The following SMARCA4 variants were observed in gnomAD, a reference collection of about 807,000 sequenced individuals.
The protein encoded by SMARCA4 is SWI/SNF-related matrix-associated actin-dependent regulator of chromatin subfamily A member 4.
A neutral mutation model predicts 193.9 loss-of-function variants in SMARCA4; 31 were observed. The observed-to-expected ratio is 0.16, with a 90% CI of 0.12 to 0.22. The LOEUF (loss-of-function observed/expected upper bound fraction) is 0.22. Ranked by LOEUF, SMARCA4 falls within the 10% of genes least tolerant of loss-of-function variation. The probability of loss-of-function intolerance (pLI) is 1.00; values close to 1 mark genes in which losing one functional copy is unlikely to be tolerated. For synonymous variants in SMARCA4, 942 were observed against 933.1 expected (o/e 1.01, Z -0.17); for missense variants, 1,148 against 2,296.0 (o/e 0.50, Z 10.22).
At chr19:11,044,995 C>T (rs1216728659) in intron 30 of SMARCA4, among the ~76,000 whole-genome samples, 1 of 152,188 alleles carries the variant, frequency 6.6e-6, no homozygotes, top group East Asian at 1.9e-4. Flanking sequence ...AAGAAGCTTA[C>T]ATTTTGTTGA....
In SMARCA4 at chr19:11,007,946, G is replaced by T. The variant is rs1555771596; in HGVS notation, c.2046G>T (p.Leu682=). The change falls in exon 14 of 35, where the codon CTG becomes CTT. Residue 682 remains leucine (L), a synonymous_variant. Coordinates refer to ENST00000344626, the MANE Select transcript of SMARCA4 (RefSeq NM_003072.5). Reference sequence around the variant, plus strand: ...CGCAGGCAGCACAGCCTCCCACCCTGCCCGTGGAGGAGAAGAAGAAGATTC... The same window carrying T: ...CGCAGGCAGCACAGCCTCCCACCCTTCCCGTGGAGGAGAAGAAGAAGATTC... ...EQPQAAQPPT[L]PVEEKKKIPD... The T allele has an allele frequency of 6.2e-7, 1 of 1,613,734 alleles. No individual in the cohort carries two copies. Among genetic ancestry groups the T allele is most frequent in the Non-Finnish European group, 8.5e-7 (1 of 1,179,786 alleles).
rs74182450 is a variant in SMARCA4, at chr19:10,974,689, ATTTTTTTTTTTTTTTTTTTT to A, written c.-31-9416_-31-9397del. On this transcript the variant is annotated intron_variant, in intron 1 of 34. Transcript: ENST00000344626. ...TGCATATATATATATATATATATAT[ATTTTTTTTTTTTTTTTTTTT>A]TTTTTTTTTTTTTTTGAGACAGAGT... Among the ~76,000 whole-genome samples the A allele has an allele frequency of 5.4e-4, 20 of 37,174 alleles. No individual in the cohort carries two copies. The Admixed American group carries it at 5.8e-3, about 11-fold the overall frequency. The allele number at this position is 37,174 out of a possible 152,430, so 24.4% of individuals were successfully genotyped here. A position where few individuals can be genotyped will look rare whatever the true frequency, so the allele number is the denominator to read the frequency against.
At chr19:11,008,247 C>T (rs2088435214) in intron 14 of SMARCA4, 3 of 487,292 alleles carry the variant, frequency 6.2e-6, no homozygotes, top group South Asian at 1.8e-5. Context: ...TTACGAGGTA[C>T]AGTCAGGTGT....
rs1040539643 is a variant in SMARCA4 at position 11,034,694 on chromosome 19, T to C, written c.3952-220T>C. Among the ~76,000 whole-genome samples the C allele has an allele frequency of 8.5e-5, 13 of 152,146 alleles. No homozygotes were observed. The highest frequency in any genetic ancestry group is 3.1e-4 in the African/African-American group (13 of 41,448). Reference sequence around the variant, plus strand: ...GCCCTCTTGTGCAACCTTCCATCTTTTCGAGTTTCCTCTGCCTCCTGAGGC... The same window carrying C: ...GCCCTCTTGTGCAACCTTCCATCTTCTCGAGTTTCCTCTGCCTCCTGAGGC... On this transcript the variant is annotated intron_variant, in intron 28 of 34. Transcript: ENST00000344626. This position sits in a 1 kb window ranked among gnomAD's most constrained non-coding sequence, Gnocchi z 7.0.
chr19:11,045,152 C>T (rs951499994), intron 30 of SMARCA4, among the ~76,000 whole-genome samples: 3 of 152,278 alleles, frequency 2.0e-5, no homozygotes, highest in Admixed American at 6.5e-5. Flanking sequence ...AACACCGTCT[C>T]TACTAAAAAT....
At chr19:11,036,465 C>G (rs1419681455) in intron 29 of SMARCA4, among the ~76,000 whole-genome samples, 1 of 152,106 alleles carries the variant, frequency 6.6e-6, no homozygotes, top group Non-Finnish European at 1.5e-5. Flanking sequence ...CACTGTGTCA[C>G]TCAGGCTGGT....
Position 11,024,451 on chromosome 19 carries a change from GT to G in SMARCA4, c.3081+14del. 6.4e-7 allele frequency: 1 copy of G among 1,567,354 alleles called. No homozygotes were observed. The highest frequency in any genetic ancestry group is 8.8e-7 in the Non-Finnish European group (1 of 1,138,666). ...GAAGGACAAGAAGGTGGGCCCCAGAGTCCCCCAACTGCATTCCCCACTGGGT... is the reference window on the plus strand; with the variant it reads ...GAAGGACAAGAAGGTGGGCCCCAGAGCCCCCAACTGCATTCCCCACTGGGT... On this transcript the variant is annotated intron_variant, in intron 21 of 34. Transcript: ENST00000344626.
chr19:11,059,176 G>A, intron 32 of SMARCA4: 1 of 399,590 alleles, frequency 2.5e-6, no homozygotes, highest in Non-Finnish European at 4.6e-6. Flanking sequence ...AAAGCAGTAT[G>A]TATTTACCGA....
In SMARCA4 at chr19:11,026,318, T is replaced by C. The variant is rs2146515940; in HGVS notation, c.3187T>C (p.Leu1063=). Reference sequence around the variant, plus strand: ...CTTGCAGGAGTCCTTTTCCGAGCACTTGGGGTTCACTGGCGGCATTGTCCA... The same window carrying C: ...CTTGCAGGAGTCCTTTTCCGAGCACCTGGGGTTCACTGGCGGCATTGTCCA... The part of the protein sequence containing the change: ...QHIEESFSEH[L]GFTGGIVQGL... Residue 1063 remains leucine, a synonymous_variant, in exon 23 of 35, where the codon TTG becomes CTG. Transcript: ENST00000344626. The C allele has an allele frequency of 6.2e-7, 1 of 1,613,938 alleles. No individual in the cohort carries two copies. Among genetic ancestry groups the C allele is most frequent in the Non-Finnish European group, 8.5e-7 (1 of 1,179,944 alleles).
At chr19:11,036,095 G>C (rs1054397073) in intron 29 of SMARCA4, among the ~76,000 whole-genome samples, 1 of 152,216 alleles carries the variant, frequency 6.6e-6, no homozygotes, top group Non-Finnish European at 1.5e-5. Context: ...CTGCCAAGCT[G>C]TGCACCAGAG....
chr19:11,013,145 C>T (rs376280612), intron 16 of SMARCA4, 33 bp downstream of exon 16: 181 of 1,609,842 alleles, frequency 1.1e-4, no homozygotes, highest in Admixed American at 2.7e-4. Context: ...ATCCCACACG[C>T]CGCTCACACG....
In SMARCA4 at chr19:11,023,607, A is replaced by G. The variant is rs749022426; in HGVS notation, c.2949A>G (p.Glu983=). 1.9e-6 allele frequency: 3 copies of G among 1,611,390 alleles called. No homozygotes were observed. The South Asian group carries it at 3.3e-5, about 18-fold the overall frequency. The change falls in exon 20 of 35, where the codon GAA becomes GAG. Residue 983 remains glutamate, a synonymous_variant. Transcript: ENST00000344626. ...TCTTGCTCCGACGACTCAAGAAGGA[A>G]GTCGAGGCCCAGTTGCCCGAAAAGG... ...RPFLLRRLKK[E]VEAQLPEKVE...
At position 11,010,541 on chromosome 19, in the gene SMARCA4, G is replaced by A. The variant is rs1414642513; in HGVS notation, c.2274+10G>A. 2.5e-6 allele frequency: 4 copies of A among 1,612,196 alleles called. No individual in the cohort carries two copies. In the African/African-American group the frequency reaches 5.3e-5, roughly 22 times the overall value. ...CCTCAAACAGTACCAGGTGAGGTAG[G>A]GGGTGGGGAGGCCACCGCCACGTAG... On this transcript the variant is annotated intron_variant, in intron 15 of 34. Transcript: ENST00000344626.
At position 11,058,381 on chromosome 19, in the gene SMARCA4, C is replaced by T. The variant is rs2147089552; in HGVS notation, c.4533+18C>T. On this transcript the variant is annotated intron_variant, in intron 31 of 34. Coordinates refer to ENST00000344626, the MANE Select transcript of SMARCA4 (RefSeq NM_003072.5). This position sits in a 1 kb window ranked among gnomAD's most constrained non-coding sequence, Gnocchi z 5.8. Reference sequence around the variant, plus strand: ...AGATAAAGGTAACCCTGACGTTGTACCTGCGCCCCGCATGTGCCCGGAGGG... The same window carrying T: ...AGATAAAGGTAACCCTGACGTTGTATCTGCGCCCCGCATGTGCCCGGAGGG... The T allele has an allele frequency of 6.5e-7, 1 of 1,539,800 alleles. No individual in the cohort carries two copies.
chr19:11,020,949 T>G (rs1202582076), intron 18 of SMARCA4: 2 of 153,954 alleles, frequency 1.3e-5, no homozygotes, highest in African/African-American at 4.8e-5. Flanking sequence ...TTCAAGTGAT[T>G]CTCCTGCCTC....
intron 29 of SMARCA4, chr19:11,039,425 A>G: frequency 1.5e-6 from 2 of 1,369,404 alleles, no homozygotes; most frequent in African/African-American, 1.5e-5. Flanking sequence ...GTGCACTGAA[A>G]CACTAAACAG....
At chr19:11,006,808 G>A (rs557550498) in intron 13 of SMARCA4, among the ~76,000 whole-genome samples, 5 of 152,094 alleles carry the variant, frequency 3.3e-5, no homozygotes, top group South Asian at 2.1e-4. Flanking sequence ...CGTCGGGGCC[G>A]GGTGCAGTGG....
At chr19:11,023,494 T>A in intron 19 of SMARCA4, 24 bp from the exon 20 acceptor site, 2 of 1,473,024 alleles carry the variant, frequency 1.4e-6, no homozygotes, top group Non-Finnish European at 1.9e-6. Flanking sequence ...TAACGCTTGC[T>A]TCTCCTGTCT....
At position 11,019,469 on chromosome 19, in the gene SMARCA4, ACC is replaced by A; in HGVS notation, c.2506-119_2506-118del. The A allele has an allele frequency of 1.4e-6, 1 of 694,392 alleles. No individual in the cohort carries two copies. Among genetic ancestry groups the A allele is most frequent in the Admixed American group, 2.0e-5 (1 of 49,184 alleles). The allele number at this position is 694,392 out of a possible 1,614,324, so 43.0% of individuals were successfully genotyped here. ...GGCCCTGCCAGCCCCTTTCCCCACTACCCCTGTGAGGACGAGCCCTCCCGCCG... is the reference window on the plus strand; with the variant it reads ...GGCCCTGCCAGCCCCTTTCCCCACTACCTGTGAGGACGAGCCCTCCCGCCG... On this transcript the variant is annotated intron_variant, in intron 17 of 34. Coordinates refer to ENST00000344626, the MANE Select transcript of SMARCA4 (RefSeq NM_003072.5). This position sits in a 1 kb window ranked among gnomAD's most constrained non-coding sequence, Gnocchi z 6.1.
Sources: gnomAD v4.1 joint callset for allele counts (sites outside exome capture counted in the v4.1 genomes callset) on GRCh38, gnomAD v4.1.1 for gene constraint, Gnocchi (gnomAD v3.1) non-coding constraint, MANE v1.5 for transcripts, NCBI Gene and HGNC (gene_info 2026-07-23, HGNC 2026-07-21) for gene names.